PLD5: variants seen among roughly 807,000 people sequenced by gnomAD.
PLD5 encodes inactive phospholipase D5.
In PLD5, 36 loss-of-function variants were observed where a neutral mutation model predicts 61.1. That is an observed-to-expected ratio of 0.59 (90% CI 0.45 to 0.78). The LOEUF is 0.78. PLD5 is among the 30% of genes least tolerant of loss of function. The probability of loss-of-function intolerance (pLI) is 0.00; values close to 1 mark genes in which losing one functional copy is unlikely to be tolerated. For synonymous variants in PLD5, 243 were observed against 242.8 expected, an observed-to-expected ratio of 1.00 and a Z score of -0.01; for missense variants, 515 against 644.4, an observed-to-expected ratio of 0.80 and a Z score of 2.17.
chr1:242,403,451 A>G (rs969552077), intron 1 of PLD5, among the ~76,000 whole-genome samples: 3 of 148,600 alleles, frequency 2.0e-5, no homozygotes, highest in African/African-American at 7.4e-5. Flanking sequence ...GCTTCTCCCC[A>G]TCAGTTCTTG....
Position 242,315,648 on chromosome 1 carries a change from CT to C in PLD5, c.327-27119del, listed in dbSNP as rs541157480. Among the ~76,000 whole-genome samples the C allele has an allele frequency of 1.1e-3, 165 of 149,698 alleles. 8 individuals carry two copies. In the South Asian group the frequency reaches 0.029, roughly 27 times the overall value. ...GCCTTGACAACTTACTGGAGGATAA[CT>C]TTTTTTTTTAAGAAAAGGGATCTTG... On this transcript the variant is annotated intron_variant, in intron 2 of 9. Transcript: ENST00000536534.
At chr1:242,409,637 C>T (rs551725006) in intron 1 of PLD5, among the ~76,000 whole-genome samples, 36 of 152,254 alleles carry the variant, frequency 2.4e-4, no homozygotes, top group African/African-American at 8.2e-4. Flanking sequence ...GGGCTCCAAA[C>T]CCCAGAGAGG....
intron 5 of PLD5, among the ~76,000 whole-genome samples, chr1:242,163,063 T>G (rs1034291946): frequency 8.5e-5 from 13 of 152,140 alleles, no homozygotes; most frequent in Non-Finnish European, 1.9e-4. Context: ...ATCTCAGGAC[T>G]AGGTAAAGAA....
At chr1:242,503,883 AC>A (rs1211651626) in intron 1 of PLD5, among the ~76,000 whole-genome samples, 2 of 152,022 alleles carry the variant, frequency 1.3e-5, no homozygotes, top group East Asian at 3.9e-4. Flanking sequence ...GGTGGGAAGA[AC>A]CCTGACGATG....
intron 5 of PLD5, among the ~76,000 whole-genome samples, chr1:242,194,704 A>T (rs1668526797): frequency 6.6e-6 from 1 of 151,942 alleles, no homozygotes; most frequent in South Asian, 2.1e-4. Context: ...GCCATAAAAA[A>T]GAATGAATTA....
In PLD5 at chr1:242,182,318, A is replaced by AT. The variant is rs201279196; in HGVS notation, c.735+37669dup. ...TGGGTATCCCTAAGACACCAAAGAA[A>AT]TTTTTTTTTAGTTTCTCCAGAGGCA... On this transcript the variant is annotated intron_variant, in intron 5 of 9. Transcript: ENST00000536534. Among the ~76,000 whole-genome samples the AT allele has an allele frequency of 9.4e-4, 143 of 151,934 alleles. 1 individual carries two copies. Among genetic ancestry groups the AT allele is most frequent in the African/African-American group, 1.9e-3 (77 of 41,428 alleles).
chr1:242,103,082 G>T (rs1660804365), intron 8 of PLD5, among the ~76,000 whole-genome samples: 1 of 152,164 alleles, frequency 6.6e-6, no homozygotes, highest in African/African-American at 2.4e-5. Flanking sequence ...GGCCAGAGGA[G>T]AATTTGGAAA....
chr1:242,457,783 A>G (rs1299329874), intron 1 of PLD5, among the ~76,000 whole-genome samples: 12 of 152,160 alleles, frequency 7.9e-5, no homozygotes, highest in African/African-American at 2.4e-4. Flanking sequence ...TCCTGGTTAC[A>G]CTGATCCTTC....
chr1:242,269,847 T>TA (rs71010420), intron 3 of PLD5, among the ~76,000 whole-genome samples: 4,737 of 151,370 alleles, frequency 0.031, 83 homozygotes, highest in Non-Finnish European at 0.045. Flanking sequence ...AGAGAAAGGT[T>TA]AAAAAAAAAC....
chr1:242,137,292 A>C (rs1048342016), intron 5 of PLD5, among the ~76,000 whole-genome samples: 1 of 152,208 alleles, frequency 6.6e-6, no homozygotes, highest in Admixed American at 6.5e-5. Context: ...TAAAATCCCC[A>C]GTAACCCTTT....
intron 4 of PLD5, among the ~76,000 whole-genome samples, chr1:242,231,738 G>T (rs1413751085): frequency 6.6e-6 from 1 of 152,108 alleles, no homozygotes; most frequent in African/African-American, 2.4e-5. Context: ...ATTCAATAGA[G>T]GAGATCTAAT....
chr1:242,091,776 G>A (rs1284249201), intron 9 of PLD5, among the ~76,000 whole-genome samples: 1 of 150,786 alleles, frequency 6.6e-6, no homozygotes, highest in Non-Finnish European at 1.5e-5. Flanking sequence ...TTCTGTGGAC[G>A]CCCTACTCTG....
chr1:242,099,306 T>C (rs1213338978), intron 9 of PLD5, among the ~76,000 whole-genome samples: 1 of 151,974 alleles, frequency 6.6e-6, no homozygotes, highest in Non-Finnish European at 1.5e-5. Context: ...TGGTATTTTT[T>C]AGTAACGACA....
At chr1:242,283,947 T>C (rs1394972385) in intron 3 of PLD5, among the ~76,000 whole-genome samples, 1 of 151,988 alleles carries the variant, frequency 6.6e-6, no homozygotes, top group Admixed American at 6.6e-5. Context: ...GTGATTTTTA[T>C]CTGCAAAGAA....
intron 1 of PLD5, among the ~76,000 whole-genome samples, chr1:242,503,549 G>A (rs1200801441): frequency 6.6e-6 from 1 of 152,100 alleles, no homozygotes; most frequent in East Asian, 1.9e-4. Flanking sequence ...TTGAAGCACA[G>A]GGCTTCCAAT....
chr1:242,414,794 C>T (rs572953963), intron 1 of PLD5, among the ~76,000 whole-genome samples: 1 of 151,902 alleles, frequency 6.6e-6, no homozygotes, highest in African/African-American at 2.4e-5. Flanking sequence ...AGAAATAAGA[C>T]TAAAAAGCTA....
intron 1 of PLD5, among the ~76,000 whole-genome samples, chr1:242,388,807 T>C (rs1009137940): frequency 6.6e-6 from 1 of 151,750 alleles, no homozygotes; most frequent in African/African-American, 2.4e-5. Flanking sequence ...AATACAAAAA[T>C]TAACTGGGCG....
At chr1:242,434,013 T>C (rs1665861336) in intron 1 of PLD5, among the ~76,000 whole-genome samples, 1 of 152,182 alleles carries the variant, frequency 6.6e-6, no homozygotes, top group Admixed American at 6.5e-5. Flanking sequence ...TGGCTTTTAC[T>C]CTGAGTAAGA....
chr1:242,229,572 T>C (rs1264021610), intron 4 of PLD5, among the ~76,000 whole-genome samples: 1 of 152,236 alleles, frequency 6.6e-6, no homozygotes, highest in Non-Finnish European at 1.5e-5. Context: ...ATGTGGCATA[T>C]ATATTCATTT....
Sources: gnomAD v4.1 joint callset for allele counts (sites outside exome capture counted in the v4.1 genomes callset) on GRCh38, gnomAD v4.1.1 for gene constraint, MANE v1.5 for transcripts, NCBI Gene and HGNC (gene_info 2026-07-23, HGNC 2026-07-21) for gene names.